Variants in CASZ1 observed in about 807,000 individuals in gnomAD.
The protein encoded by CASZ1 is castor zinc finger 1.
In CASZ1, 28 loss-of-function variants were observed where a neutral mutation model predicts 135.2. The ratio of observed to expected loss-of-function variants is 0.21; its 90% CI spans 0.15 to 0.28. CASZ1 has a LOEUF of 0.28. CASZ1 is among the 10% of genes least tolerant of loss of function. The pLI, the probability that CASZ1 is intolerant of heterozygous loss-of-function variation, is 1.00. For synonymous variants in CASZ1, 1,068 were observed against 1,073.4 expected (o/e 0.99, Z 0.10); for missense variants, 2,161 against 2,453.3 (o/e 0.88, Z 2.52).
At chr1:10,677,664 C>G (rs773352675) in intron 4 of CASZ1, among the ~76,000 whole-genome samples, 4 of 152,228 alleles carry the variant, frequency 2.6e-5, no homozygotes, top group African/African-American at 9.6e-5. Flanking sequence ...GCCACTCACT[C>G]GTGAGGACTA....
At chr1:10,749,727 C>T (rs892570786) in intron 2 of CASZ1, among the ~76,000 whole-genome samples, 3 of 152,206 alleles carry the variant, frequency 2.0e-5, no homozygotes, top group African/African-American at 7.2e-5. Context: ...GCCAATTCGG[C>T]TGGGGAGCTG....
rs114336955 is a variant in CASZ1 at position 10,671,309 on chromosome 1, C to T, written c.17-5738G>A. Among the ~76,000 whole-genome samples, 200 of 152,290 alleles carry T rather than the reference C, an allele frequency of 1.3e-3. 1 individual carries two copies. Among genetic ancestry groups the T allele is most frequent in the African/African-American group, 4.7e-3 (196 of 41,562 alleles). On this transcript the variant is annotated intron_variant, in intron 4 of 20. Transcript: ENST00000377022. The stretch of plus-strand genomic sequence containing the variant: ...ACACACTGAGCAAACGCGCACAGAC[C>T]GCGTGCATGCCTGTGCGCGCGCACA...
chr1:10,669,038 C>G (rs57160339), intron 4 of CASZ1, among the ~76,000 whole-genome samples: 8,241 of 152,298 alleles, frequency 0.054, 344 homozygotes, highest in African/African-American at 0.11. Flanking sequence ...CCACGAGCAG[C>G]AGGTCTCCCC....
At chr1:10,796,500 C>A (rs1430191140) in intron 1 of CASZ1, 64 bp downstream of exon 1, 1 of 152,278 alleles carries the variant, frequency 6.6e-6, no homozygotes, top group Non-Finnish European at 1.5e-5. Context: ...GGAGGCGCCC[C>A]GGGAGGCCCG....
Position 10,707,382 on chromosome 1 carries a change from C to G in CASZ1, c.-76-1838G>C, listed in dbSNP as rs144213347. The stretch of plus-strand genomic sequence containing the variant: ...CCCAACCACCCCTGTTTTCTGACAA[C>G]AAGGGAGCGCGGGAGACCGGAGCGC... On this transcript the variant is annotated intron_variant, in intron 2 of 20. Coordinates refer to ENST00000377022, the MANE Select transcript of CASZ1 (RefSeq NM_001079843.3). This position sits in a 1 kb window ranked among gnomAD's most constrained non-coding sequence, Gnocchi z 5.0. 1.3e-5 allele frequency among the ~76,000 whole-genome samples: 2 copies of G among 152,336 alleles called. No homozygotes were observed. Among genetic ancestry groups the G allele is most frequent in the Non-Finnish European group, 2.9e-5 (2 of 68,038 alleles).
At chr1:10,682,351 T>C (rs1475056754) in intron 4 of CASZ1, among the ~76,000 whole-genome samples, 1 of 151,442 alleles carries the variant, frequency 6.6e-6, no homozygotes, top group Non-Finnish European at 1.5e-5. Flanking sequence ...GAGGGCAGGG[T>C]TGTACTCAGC....
chr1:10,648,808 C>T, intron 15 of CASZ1: 2 of 499,922 alleles, frequency 4.0e-6, no homozygotes, highest in Non-Finnish European at 7.3e-6. Context: ...GGACTGATGG[C>T]TGCCCTGGGG....
Position 10,653,809 on chromosome 1 carries a change from A to G in CASZ1, c.2248T>C (p.Ser750Pro), listed in dbSNP as rs1030491857. ...ASPTSQQSSA[S>P]LAAATAATEA... ...GTGGCGGCAGTGGCGGCAGCCAGGG[A>G]CGCAGAGGACTGCTGGCTGGTAGGG... is the stretch of plus-strand genomic sequence containing the variant. The change falls in exon 11 of 21, where the codon TCC becomes CCC. Residue 750 changes from serine to proline, a missense_variant. Physicochemically the swap from Ser to Pro is moderately conservative, Grantham distance 74. This residue lies in a region of CASZ1 where 406 missense variants were observed against 387.6 expected (regional missense o/e 1.05). Transcript: ENST00000377022. 1.9e-6 allele frequency: 3 copies of G among 1,609,402 alleles called. No homozygotes were observed. The African/African-American group carries it at 4.0e-5, about 21-fold the overall frequency.
intron 4 of CASZ1, among the ~76,000 whole-genome samples, chr1:10,686,132 C>T (rs1638579789): frequency 1.3e-5 from 2 of 151,810 alleles, no homozygotes; most frequent in Non-Finnish European, 1.5e-5. Flanking sequence ...AGCACGGGGG[C>T]CTGTGGGCGC....
chr1:10,734,373 T>C (rs1011264890), intron 2 of CASZ1, among the ~76,000 whole-genome samples: 2 of 152,138 alleles, frequency 1.3e-5, no homozygotes, highest in Non-Finnish European at 2.9e-5. Context: ...TATTTTGTTT[T>C]TTTTCGGTAA....
rs561972142 is a variant in CASZ1, at chr1:10,656,782, T to TCCCAGC, written c.1410-52_1410-47dup. The TCCCAGC allele has an allele frequency of 4.0e-4, 529 of 1,316,494 alleles. 6 individuals are homozygous for TCCCAGC. The South Asian group carries it at 5.3e-3, about 13-fold the overall frequency. 81.6% of individuals were successfully genotyped at this position (1,316,494 alleles called of 1,614,324 possible). A position where few individuals can be genotyped will look rare whatever the true frequency, so the allele number is the denominator to read the frequency against. On this transcript the variant is annotated intron_variant, in intron 7 of 20. Transcript: ENST00000377022. The stretch of plus-strand genomic sequence containing the variant: ...GTCAGGGCCCTGCTGTGGGTGACAG[T>TCCCAGC]CCCAGCCCCAGCCCCAGCCCCAGCC...
intron 4 of CASZ1, among the ~76,000 whole-genome samples, chr1:10,674,021 G>A (rs1007985957): frequency 6.6e-6 from 1 of 152,204 alleles, no homozygotes; most frequent in Non-Finnish European, 1.5e-5. Context: ...CTATGCAGAC[G>A]GACAGACTGA....
At chr1:10,682,413 CCTGGGGG>C (rs1324776593) in intron 4 of CASZ1, among the ~76,000 whole-genome samples, 1 of 152,026 alleles carries the variant, frequency 6.6e-6, no homozygotes, top group Non-Finnish European at 1.5e-5. Context: ...CCGGAAGACT[CCTGGGGG>C]CCCGGCGGAA....
chr1:10,734,528 G>A (rs538804881), intron 2 of CASZ1, among the ~76,000 whole-genome samples: 2 of 152,244 alleles, frequency 1.3e-5, no homozygotes, highest in Non-Finnish European at 2.9e-5. Flanking sequence ...AGCTCGGAAA[G>A]CCTGAATGAT....
At chr1:10,686,656 G>C (rs1011227823) in intron 4 of CASZ1, among the ~76,000 whole-genome samples, 3 of 152,312 alleles carry the variant, frequency 2.0e-5, no homozygotes, top group Admixed American at 2.0e-4. Context: ...TTTATTACCT[G>C]TTTGACTCAC....
rs747059584 is a variant in CASZ1 at position 10,642,903 on chromosome 1, C to T, written c.4118G>A (p.Arg1373Gln). ...ACCCACGGGGGTGCTGGAGCAGCTCCGGTCCATGGTGGATGACTCAGAGGA... is the reference window on the plus strand; with the variant it reads ...ACCCACGGGGGTGCTGGAGCAGCTCTGGTCCATGGTGGATGACTCAGAGGA... ...AMSSESSTMD[R>Q]SCSSTPVGNE... The change falls in exon 20 of 21, where the codon CGG becomes CAG. Residue 1373 changes from arginine (R) to glutamine (Q), a missense_variant. Physicochemically the swap from Arg to Gln is conservative, Grantham distance 43. This residue lies in a region of CASZ1 where 143 missense variants were observed against 128.3 expected (regional missense o/e 1.11). Transcript: ENST00000377022. 3.7e-5 allele frequency: 59 copies of T among 1,612,918 alleles called. No homozygotes were observed. The Admixed American group carries it at 4.8e-4, about 13-fold the overall frequency.
chr1:10,740,755 C>T lies in CASZ1; in HGVS notation c.-77+19946G>A, dbSNP rs758619199. Reference sequence around the variant, plus strand: ...CTTGAGGCCAGGAGTTCAAGACCAGCCTGGGCAATACAGTGAGACCCTGTG... The same window carrying T: ...CTTGAGGCCAGGAGTTCAAGACCAGTCTGGGCAATACAGTGAGACCCTGTG... On this transcript the variant is annotated intron_variant, in intron 2 of 20. Coordinates refer to ENST00000377022, the MANE Select transcript of CASZ1 (RefSeq NM_001079843.3). 7.9e-5 allele frequency among the ~76,000 whole-genome samples: 12 copies of T among 152,140 alleles called. No homozygotes were observed. The South Asian group carries it at 8.3e-4, about 11-fold the overall frequency.
Position 10,646,191 on chromosome 1 carries a change from G to A in CASZ1, c.3633C>T (p.Asn1211=), listed in dbSNP as rs1398291154. ...ACTGGTCTCGCACGTTCACCAGGTT[G>A]TTGTTGGGGTTGATGTGGTCCAGGC... The part of the protein sequence containing the change: ...SHCLDHINPN[N]NLVNVRDQFA... The change falls in exon 17 of 21, where the codon AAC becomes AAT. Residue 1211 remains asparagine (N), a synonymous_variant. Coordinates refer to ENST00000377022, the MANE Select transcript of CASZ1 (RefSeq NM_001079843.3). The surrounding 1 kb of genome is among the most constrained non-coding windows in gnomAD (Gnocchi z 6.4). 1.2e-6 allele frequency: 2 copies of A among 1,614,082 alleles called. No homozygotes were observed.
intron 2 of CASZ1, among the ~76,000 whole-genome samples, chr1:10,734,856 C>T (rs76387717): frequency 0.021 from 3,147 of 152,062 alleles, 121 homozygotes; most frequent in African/African-American, 0.071. Context: ...TGGGGTGCCA[C>T]GGAGGATCTG....
Sources: gnomAD v4.1 joint callset for allele counts (sites outside exome capture counted in the v4.1 genomes callset) on GRCh38, gnomAD v4.1.1 for gene constraint, gnomAD v4.1.1 regional missense constraint, Gnocchi (gnomAD v3.1) non-coding constraint, MANE v1.5 for transcripts, NCBI Gene and HGNC (gene_info 2026-07-23, HGNC 2026-07-21) for gene names.